ANO3: variants seen among roughly 807,000 people sequenced by gnomAD.
The protein encoded by ANO3 is anoctamin-3.
Under a neutral mutation model 144.8 loss-of-function variants are expected in ANO3, and 99 were observed. That is an observed-to-expected ratio of 0.68 (90% CI 0.58 to 0.81). The LOEUF (loss-of-function observed/expected upper bound fraction) is 0.81. Among genes scored for constraint, ANO3 ranks in the 30% least tolerant of loss-of-function variants. ANO3 has a pLI of 0.00. For missense variants in ANO3, 905 were observed against 1,202.2 expected, an observed-to-expected ratio of 0.75 and a Z score of 3.66; for synonymous variants, 414 against 392.6, an observed-to-expected ratio of 1.05 and a Z score of -0.64.
upstream of ANO3, among the ~76,000 whole-genome samples, chr11:26,330,285 AC>A (rs971359026): frequency 3.9e-5 from 6 of 152,134 alleles, no homozygotes; most frequent in South Asian, 2.1e-4. Flanking sequence ...TTTAAAAAAA[AC>A]ATCCTCGAGC....
chr11:26,651,026 T>C lies in ANO3; in HGVS notation c.2576+3170T>C, dbSNP rs572750749. Among the ~76,000 whole-genome samples the C allele has an allele frequency of 4.6e-5, 7 of 152,368 alleles. No homozygotes were observed. The South Asian group carries it at 1.2e-3, about 27-fold the overall frequency. On this transcript the variant is annotated intron_variant, in intron 24 of 26. Coordinates refer to ENST00000256737, the MANE Select transcript of ANO3 (RefSeq NM_031418.4). ...AAAGTTAAGAATTTTGGATAACTTTTGTTTACCACTTTGAGCCTAAAAGCT... is the reference window on the plus strand; with the variant it reads ...AAAGTTAAGAATTTTGGATAACTTTCGTTTACCACTTTGAGCCTAAAAGCT...
At chr11:26,191,958 T>A (rs77457101) in intron 1 of ANO3, among the ~76,000 whole-genome samples, 2,314 of 152,268 alleles carry the variant, frequency 0.015, 49 homozygotes, top group East Asian at 0.13. Flanking sequence ...CACTACCCAA[T>A]TGTTTGTGGC....
chr11:26,565,911 C>G (rs759185166), intron 14 of ANO3: 2 of 1,554,628 alleles, frequency 1.3e-6, no homozygotes, highest in Non-Finnish European at 1.7e-6. Context: ...AAGAAAATAA[C>G]CATAATTTGA....
In ANO3 at chr11:26,385,256, A is replaced by G. The variant is rs570091652; in HGVS notation, c.46+52935A>G. On this transcript the variant is annotated intron_variant, in intron 1 of 26. Transcript: ENST00000256737. ...CTCACTGTTGGAAAAAGTGTTTACAAACATATAAAAGGGGAAAACTAGAAA... is the reference window on the plus strand; with the variant it reads ...CTCACTGTTGGAAAAAGTGTTTACAGACATATAAAAGGGGAAAACTAGAAA... Among the ~76,000 whole-genome samples, 5 of 152,334 alleles carry G rather than the reference A, an allele frequency of 3.3e-5. No homozygotes were observed. In the South Asian group the frequency reaches 1.0e-3, roughly 32 times the overall value.
intron 1 of ANO3, among the ~76,000 whole-genome samples, chr11:26,357,892 G>T (rs1281013165): frequency 3.3e-5 from 5 of 151,666 alleles, no homozygotes. Flanking sequence ...AATGTTTTTT[G>T]TCATATGACT....
intron 4 of ANO3, among the ~76,000 whole-genome samples, chr11:26,469,468 A>G (rs117362005): frequency 0.018 from 2,678 of 152,120 alleles, 46 homozygotes; most frequent in Non-Finnish European, 0.028. Context: ...GAGTTAAAAT[A>G]TTCTTAGACG....
At chr11:26,380,815 C>A (rs1251050115) in intron 1 of ANO3, among the ~76,000 whole-genome samples, 2 of 152,054 alleles carry the variant, frequency 1.3e-5, no homozygotes, top group Admixed American at 1.3e-4. Flanking sequence ...AACCCCGTCT[C>A]TACTAAAAAT....
chr11:26,548,811 CT>C (rs1217091854), intron 12 of ANO3, among the ~76,000 whole-genome samples: 25 of 151,870 alleles, frequency 1.6e-4, no homozygotes, highest in African/African-American at 6.0e-4. Flanking sequence ...CACTACCATC[CT>C]GCAAGGTAGC....
intron 1 of ANO3, among the ~76,000 whole-genome samples, chr11:26,364,635 G>T (rs182818965): frequency 6.6e-6 from 1 of 152,212 alleles, no homozygotes; most frequent in Admixed American, 6.5e-5. Context: ...GAGAGAGAGT[G>T]GGGGTGGAGG....
intron 26 of ANO3, among the ~76,000 whole-genome samples, chr11:26,657,422 C>T (rs1007265496): frequency 2.0e-5 from 3 of 151,982 alleles, no homozygotes; most frequent in Admixed American, 2.0e-4. Context: ...ATTTCCAACC[C>T]GGTGATTAAA....
intron 10 of ANO3, 149 bp from the exon 11 acceptor site, chr11:26,541,798 T>C (rs1217347707): frequency 1.7e-6 from 1 of 575,468 alleles, no homozygotes; most frequent in African/African-American, 1.9e-5. Flanking sequence ...AAGGCATCCA[T>C]CACATCATTC....
chr11:26,441,106 GTTTTTTTTT>G (rs1022676698), intron 1 of ANO3, among the ~76,000 whole-genome samples: 7 of 86,552 alleles, frequency 8.1e-5, no homozygotes, highest in African/African-American at 2.5e-4. Flanking sequence ...TTGCTGCCCA[GTTTTTTTTT>G]TTTTTTTTTT....
Position 26,544,273 on chromosome 11 carries a change from T to TATATATATATATATATATATATATATAC in ANO3, c.1154+2206_1154+2207insTATATATATATATATATATATATATACA. 3.2e-3 allele frequency among the ~76,000 whole-genome samples: 187 copies of TATATATATATATATATATATATATATAC among 58,322 alleles called. 8 individuals are homozygous for TATATATATATATATATATATATATATAC. Among genetic ancestry groups the TATATATATATATATATATATATATATAC allele is most frequent in the Non-Finnish European group, 4.8e-3 (135 of 27,870 alleles). 38.3% of individuals were successfully genotyped at this position (58,322 alleles called of 152,430 possible). Reference sequence around the variant, plus strand: ...ATACATATATATATATATATATATATACACACATACACACACACACACACA... The same window carrying TATATATATATATATATATATATATATAC: ...ATACATATATATATATATATATATATATATATATATATATATATATATATATACACACACATACACACACACACACACA... On this transcript the variant is annotated intron_variant, in intron 11 of 26. Coordinates refer to ENST00000256737, the MANE Select transcript of ANO3 (RefSeq NM_031418.4).
intron 14 of ANO3, among the ~76,000 whole-genome samples, chr11:26,576,396 G>A (rs1850987298): frequency 6.6e-6 from 1 of 152,074 alleles, no homozygotes. Flanking sequence ...TTTTGGAGAT[G>A]ATAAAAATTG....
At chr11:26,363,337 G>A (rs1855977349) in intron 1 of ANO3, among the ~76,000 whole-genome samples, 2 of 152,126 alleles carry the variant, frequency 1.3e-5, no homozygotes, top group South Asian at 4.2e-4. Flanking sequence ...ACTAAATACT[G>A]GGTGGCTTAA....
intron 14 of ANO3, among the ~76,000 whole-genome samples, chr11:26,587,985 A>G (rs1279250814): frequency 6.6e-6 from 1 of 151,600 alleles, no homozygotes; most frequent in Non-Finnish European, 1.5e-5. Flanking sequence ...GAAAGCAAAG[A>G]GGGTTTTCAT....
chr11:26,542,110 T>G (rs1304070300), intron 11 of ANO3, 42 bp downstream of exon 11: 3 of 1,586,276 alleles, frequency 1.9e-6, no homozygotes, highest in East Asian at 2.3e-5. Flanking sequence ...AGTATTCTGT[T>G]TTGTGTCATT....
intron 1 of ANO3, among the ~76,000 whole-genome samples, chr11:26,374,268 AG>A (rs1264887314): frequency 1.3e-5 from 2 of 152,176 alleles, no homozygotes; most frequent in African/African-American, 4.8e-5. Context: ...ATATTATTTG[AG>A]GTAATAAACA....
intron 1 of ANO3, among the ~76,000 whole-genome samples, chr11:26,349,116 ATAT>A (rs1257964601): frequency 5.3e-5 from 8 of 152,194 alleles, no homozygotes; most frequent in Non-Finnish European, 1.2e-4. Flanking sequence ...TTAATGAAAA[ATAT>A]TATTTACTGA....
Sources: gnomAD v4.1 joint callset for allele counts (sites outside exome capture counted in the v4.1 genomes callset) on GRCh38, gnomAD v4.1.1 for gene constraint, MANE v1.5 for transcripts, NCBI Gene and HGNC (gene_info 2026-07-23, HGNC 2026-07-21) for gene names.